The following IKBKB-DT variants were observed in gnomAD, a reference collection of about 807,000 sequenced individuals.
The protein encoded by IKBKB-DT is IKBKB antisense RNA.
At chr8:42,263,075 T>C (rs760508129) in intron 3 of IKBKB-DT, among the ~76,000 whole-genome samples, 4 of 150,822 alleles carry the variant, frequency 2.7e-5, no homozygotes, top group Non-Finnish European at 5.9e-5. Flanking sequence ...CAGGGTCTTG[T>C]CATCTTGCCC....
intron 3 of IKBKB-DT, among the ~76,000 whole-genome samples, chr8:42,242,829 T>C (rs918574815): frequency 6.6e-6 from 1 of 152,220 alleles, no homozygotes; most frequent in African/African-American, 2.4e-5. Flanking sequence ...CCATACCCAG[T>C]GCGATTTCCA....
rs558234351 is a variant in IKBKB-DT at position 42,258,967 on chromosome 8, A to T, written n.1529+4362T>A. On this transcript the variant is annotated intron_variant and non_coding_transcript_variant, in intron 3 of 3. Transcript: ENST00000518213. ...ATTCTGTAGACAGGCAAGTCTATGAATATACCATTTTATAATTTTTCGAAA... is the reference window on the plus strand; with the variant it reads ...ATTCTGTAGACAGGCAAGTCTATGATTATACCATTTTATAATTTTTCGAAA... 2.0e-5 allele frequency among the ~76,000 whole-genome samples: 3 copies of T among 152,310 alleles called. No homozygotes were observed. The East Asian group carries it at 5.8e-4, about 29-fold the overall frequency.
chr8:42,253,858 A>G (rs539010551), intron 3 of IKBKB-DT, among the ~76,000 whole-genome samples: 1 of 152,316 alleles, frequency 6.6e-6, no homozygotes, highest in African/African-American at 2.4e-5. Context: ...AGGACCTCAC[A>G]TTCTGTATTC....
intron 3 of IKBKB-DT, among the ~76,000 whole-genome samples, chr8:42,245,368 T>C (rs1050539784): frequency 6.6e-6 from 1 of 152,236 alleles, no homozygotes; most frequent in African/African-American, 2.4e-5. Context: ...TTACAACTTC[T>C]GGTGTGATGG....
At chr8:42,255,927 G>A (rs535145807) in intron 3 of IKBKB-DT, among the ~76,000 whole-genome samples, 24 of 151,892 alleles carry the variant, frequency 1.6e-4, no homozygotes, top group Non-Finnish European at 2.4e-4. Context: ...TTGGGAGGCT[G>A]AGGCAGGAGA....
intron 3 of IKBKB-DT, among the ~76,000 whole-genome samples, chr8:42,239,853 G>GA (rs1364005798): frequency 6.6e-6 from 1 of 151,126 alleles, no homozygotes; most frequent in African/African-American, 2.4e-5. Context: ...TGGCCAGGCT[G>GA]GTCTCGAACT....
chr8:42,268,630 G>A (rs529199166), intron 1 of IKBKB-DT, among the ~76,000 whole-genome samples: 12 of 150,330 alleles, frequency 8.0e-5, no homozygotes, highest in East Asian at 4.0e-4. Context: ...GCACTGGTGC[G>A]ATCTCCACTC....
At chr8:42,258,207 T>C (rs554524555) in intron 3 of IKBKB-DT, among the ~76,000 whole-genome samples, 12 of 152,342 alleles carry the variant, frequency 7.9e-5, no homozygotes, top group Non-Finnish European at 1.3e-4. Context: ...ACTTTTGATA[T>C]TAAGGCTCAT....
At chr8:42,243,901 G>A (rs1224462494) in intron 3 of IKBKB-DT, among the ~76,000 whole-genome samples, 1 of 152,174 alleles carries the variant, frequency 6.6e-6, no homozygotes, top group Non-Finnish European at 1.5e-5. Flanking sequence ...GGAAAAATTA[G>A]AATATAGGTA....
At position 42,270,016 on chromosome 8, in the gene IKBKB-DT, T is replaced by A. The variant is rs1807521749; in HGVS notation, n.603+635A>T. On this transcript the variant is annotated intron_variant and non_coding_transcript_variant, in intron 1 of 3. Transcript: ENST00000518213. ...TAAAAGAGGAAATAGGTTCTCACAG[T>A]GTTTAAGTAACCAGCCCCCGTGCCT... 2.0e-5 allele frequency among the ~76,000 whole-genome samples: 3 copies of A among 152,156 alleles called. No homozygotes were observed. In the South Asian group the frequency reaches 6.2e-4, roughly 32 times the overall value.
chr8:42,265,768 G>C (rs775768885), exon 2 of IKBKB-DT: 1 of 152,224 alleles, frequency 6.6e-6, no homozygotes, highest in Non-Finnish European at 1.5e-5. Context: ...CTTAAAAAGT[G>C]ATTTCCTCCT....
chr8:42,235,622 A>G (rs927223609), intron 3 of IKBKB-DT, among the ~76,000 whole-genome samples: 5 of 152,082 alleles, frequency 3.3e-5, no homozygotes, highest in African/African-American at 4.8e-5. Context: ...TTCATCTCCA[A>G]CCCAATCAAT....
At chr8:42,246,831 C>T (rs529854982) in intron 3 of IKBKB-DT, among the ~76,000 whole-genome samples, 9 of 152,246 alleles carry the variant, frequency 5.9e-5, no homozygotes, top group Admixed American at 3.9e-4. Context: ...AATTTTTCCA[C>T]GGACCTGGGG....
chr8:42,255,830 C>T lies in IKBKB-DT; in HGVS notation n.1529+7499G>A, dbSNP rs757147218. 2.0e-5 allele frequency among the ~76,000 whole-genome samples: 3 copies of T among 151,788 alleles called. No homozygotes were observed. In the South Asian group the frequency reaches 6.2e-4, roughly 32 times the overall value. The stretch of plus-strand genomic sequence containing the variant: ...CACGAGGTCAGGAGTTCAAGACCAG[C>T]CTGGCCAACAGAGTGAAACCCCGTC... On this transcript the variant is annotated intron_variant and non_coding_transcript_variant, in intron 3 of 3. Coordinates refer to ENST00000518213, the Ensembl canonical transcript of IKBKB-DT.
At chr8:42,260,431 T>C (rs1807270076) in intron 3 of IKBKB-DT, among the ~76,000 whole-genome samples, 2 of 152,140 alleles carry the variant, frequency 1.3e-5, no homozygotes, top group African/African-American at 4.8e-5. Context: ...TTTGGGAGGC[T>C]GAGGCGGGCA....
At chr8:42,250,567 C>A (rs1807118163) in intron 3 of IKBKB-DT, among the ~76,000 whole-genome samples, 1 of 152,154 alleles carries the variant, frequency 6.6e-6, no homozygotes, top group African/African-American at 2.4e-5. Context: ...AACTAAATGT[C>A]TCCCAAAGTT....
At chr8:42,248,638 T>C (rs1211124443) in intron 3 of IKBKB-DT, among the ~76,000 whole-genome samples, 1 of 152,168 alleles carries the variant, frequency 6.6e-6, no homozygotes, top group Non-Finnish European at 1.5e-5. Context: ...CCCAGCACTT[T>C]GGGAGGCCAA....
chr8:42,266,592 A>G (rs1479278027), intron 1 of IKBKB-DT, among the ~76,000 whole-genome samples: 1 of 152,218 alleles, frequency 6.6e-6, no homozygotes, highest in African/African-American at 2.4e-5. Flanking sequence ...GAGCTGGGTA[A>G]AATGAGGCTG....
At chr8:42,265,304 T>A (rs1807355538) in intron 2 of IKBKB-DT, among the ~76,000 whole-genome samples, 1 of 152,196 alleles carries the variant, frequency 6.6e-6, no homozygotes, top group East Asian at 1.9e-4. Context: ...GGCAAAAGGG[T>A]CATTTTTATT....
Sources: gnomAD v4.1 joint callset for allele counts (sites outside exome capture counted in the v4.1 genomes callset) on GRCh38, gnomAD v4.1.1 for gene constraint, MANE v1.5 for transcripts, NCBI Gene and HGNC (gene_info 2026-07-23, HGNC 2026-07-21) for gene names.